The following MTOR variants were observed in gnomAD, a reference collection of about 807,000 sequenced individuals.
MTOR encodes mechanistic target of rapamycin kinase.
A neutral mutation model predicts 319.8 loss-of-function variants in MTOR; 70 were observed. That is an observed-to-expected ratio of 0.22 (90% CI 0.18 to 0.27). MTOR has a LOEUF of 0.27. MTOR is among the 10% of genes least tolerant of loss of function. The pLI, the probability that MTOR is intolerant of heterozygous loss-of-function variation, is 1.00. For synonymous variants in MTOR, 1,183 were observed against 1,211.4 expected (o/e 0.98, Z 0.49); for missense variants, 1,890 against 3,274.4 (o/e 0.58, Z 10.32).
Position 11,218,774 on chromosome 1 carries a change from C to G in MTOR, c.3031-2540G>C, listed in dbSNP as rs549947867. ...TTCCTTAGCCTTTCACATGTGTTCT[C>G]TTTTTGCTCGGAACATGAGTATTTT... On this transcript the variant is annotated intron_variant, in intron 19 of 57. Transcript: ENST00000361445. 7.9e-5 allele frequency among the ~76,000 whole-genome samples: 12 copies of G among 152,270 alleles called. No homozygotes were observed. The South Asian group carries it at 2.3e-3, about 29-fold the overall frequency.
At chr1:11,219,867 T>C (rs1646599932) in intron 19 of MTOR, among the ~76,000 whole-genome samples, 2 of 150,234 alleles carry the variant, frequency 1.3e-5, no homozygotes, top group South Asian at 2.1e-4. Flanking sequence ...CTATTGAAAA[T>C]GCAAAAAACA....
chr1:11,155,741 G>A (rs1020781465), intron 30 of MTOR, among the ~76,000 whole-genome samples: 1 of 152,196 alleles, frequency 6.6e-6, no homozygotes, highest in African/African-American at 2.4e-5. Context: ...CTTTGTTGAT[G>A]GTATCACAAT....
intron 36 of MTOR, among the ~76,000 whole-genome samples, chr1:11,137,851 C>A (rs1363437230): frequency 6.6e-6 from 1 of 152,134 alleles, no homozygotes; most frequent in Non-Finnish European, 1.5e-5. Flanking sequence ...TTGCCTCAGG[C>A]GAGGCAGAGC....
chr1:11,166,939 A>C (rs909232715), intron 29 of MTOR, among the ~76,000 whole-genome samples: 2 of 152,242 alleles, frequency 1.3e-5, no homozygotes, highest in Non-Finnish European at 2.9e-5. Flanking sequence ...GTTCATGTCC[A>C]TTGTAGGGAC....
At chr1:11,195,005 A>G (rs769539979) in intron 28 of MTOR, 42 of 1,613,704 alleles carry the variant, frequency 2.6e-5, no homozygotes, top group Non-Finnish European at 8.5e-7. Context: ...AAATCCGCCC[A>G]GAAGACTTCA....
intron 51 of MTOR, 43 bp from the exon 52 acceptor site, chr1:11,114,930 TC>T: frequency 6.3e-7 from 1 of 1,581,302 alleles, no homozygotes; most frequent in Non-Finnish European, 8.7e-7. Flanking sequence ...ATGTTTATTT[TC>T]TTTACCTGGA....
At chr1:11,131,558 G>C (rs1378204024) in intron 38 of MTOR, 3 of 152,278 alleles carry the variant, frequency 2.0e-5, no homozygotes, top group Non-Finnish European at 4.4e-5. Flanking sequence ...GACAGAGAAA[G>C]AATCTCACCC....
intron 13 of MTOR, 136 bp from the exon 14 acceptor site, chr1:11,234,401 T>C: frequency 1.0e-6 from 1 of 1,004,754 alleles, no homozygotes; most frequent in Middle Eastern, 2.2e-4. Context: ...TGCTAGATAC[T>C]CAATGAGCAA....
rs762199949 is a variant in MTOR at position 11,139,601 on chromosome 1, C to T, written c.4930G>A (p.Val1644Ile). ...GTTCTCATGTCTTCATGAGGGCTGA[C>T]CACAAGGGACCGCACCATAAGGATT... ...QKILMVRSLVVSPHEDMRTWL... is the reference protein window; with the variant it reads ...QKILMVRSLVISPHEDMRTWL... Residue 1644 changes from valine (V) to isoleucine (I), a missense_variant, in exon 35 of 58, where the codon GTC (valine) becomes ATC (isoleucine). Coordinates refer to ENST00000361445, the MANE Select transcript of MTOR (RefSeq NM_004958.4). 1 of 1,614,192 alleles carries T rather than the reference C, an allele frequency of 6.2e-7. No individual in the cohort carries two copies. The highest frequency in any genetic ancestry group is 8.5e-7 in the Non-Finnish European group (1 of 1,180,034).
chr1:11,208,639 GT>G (rs577353070), intron 25 of MTOR, among the ~76,000 whole-genome samples: 103 of 152,364 alleles, frequency 6.8e-4, no homozygotes, highest in African/African-American at 2.4e-3. Context: ...TTTATTTAAA[GT>G]TGGTGAAGTA....
chr1:11,196,697 CAAA>C (rs1645797125), intron 28 of MTOR, among the ~76,000 whole-genome samples: 1 of 151,744 alleles, frequency 6.6e-6, no homozygotes, highest in Admixed American at 6.6e-5. Context: ...ACTAAAAATA[CAAA>C]AATTAGCTGG....
chr1:11,253,251 C>T (rs552161444), intron 6 of MTOR, among the ~76,000 whole-genome samples: 2 of 152,302 alleles, frequency 1.3e-5, no homozygotes, highest in African/African-American at 4.8e-5. Flanking sequence ...AATCCACCTT[C>T]TCAAGCCAAC....
In MTOR at chr1:11,238,022, C is replaced by T. The variant is rs1475681166; in HGVS notation, c.2029G>A (p.Ala677Thr). ...GCATCAAAGCGCTCGTCCAGGGACG[C>T]CAAGACACAGTAGCGAATGTCAGGG... ...PDPDIRYCVLASLDERFDAHL... is the reference protein window; with the variant it reads ...PDPDIRYCVLTSLDERFDAHL... Residue 677 changes from alanine (A) to threonine (T), a missense_variant, in exon 13 of 58, where the codon GCG (alanine) becomes ACG (threonine). Coordinates refer to ENST00000361445, the MANE Select transcript of MTOR (RefSeq NM_004958.4). 1 of 1,614,204 alleles carries T rather than the reference C, an allele frequency of 6.2e-7. No homozygotes were observed. Among genetic ancestry groups the T allele is most frequent in the Non-Finnish European group, 8.5e-7 (1 of 1,180,044 alleles).
intron 11 of MTOR, among the ~76,000 whole-genome samples, chr1:11,238,841 C>T (rs1274723635): frequency 6.6e-6 from 1 of 151,472 alleles, no homozygotes; most frequent in African/African-American, 2.4e-5. Flanking sequence ...CCACTCACTG[C>T]AGGCTCCGCC....
intron 28 of MTOR, among the ~76,000 whole-genome samples, chr1:11,185,643 G>C (rs761443386): frequency 6.6e-6 from 1 of 152,028 alleles, no homozygotes; most frequent in Non-Finnish European, 1.5e-5. Context: ...TCTAAGAGAA[G>C]GCCTGAGAGA....
Position 11,209,571 on chromosome 1 carries a change from G to A in MTOR, c.3655-113C>T, listed in dbSNP as rs928557292. The A allele has an allele frequency of 1.3e-5, 17 of 1,296,838 alleles. No homozygotes were observed. In the African/African-American group the frequency reaches 2.2e-4, roughly 17 times the overall value. 80.3% of individuals were successfully genotyped at this position (1,296,838 alleles called of 1,614,324 possible). ...CCTGGTAGAGCCAGGATTTCAGTAA[G>A]AAGTAAAAAGTTGCACATATGGACA... is the stretch of plus-strand genomic sequence containing the variant. On this transcript the variant is annotated intron_variant, in intron 24 of 57. Coordinates refer to ENST00000361445, the MANE Select transcript of MTOR (RefSeq NM_004958.4).
At chr1:11,246,252 C>G (rs1354954115) in intron 8 of MTOR, among the ~76,000 whole-genome samples, 1 of 152,226 alleles carries the variant, frequency 6.6e-6, no homozygotes, top group Non-Finnish European at 1.5e-5. Flanking sequence ...CCTTTGTATC[C>G]TGCTGCTAGG....
In MTOR at chr1:11,198,076, C is replaced by A. The variant is rs180975125; in HGVS notation, c.4253+1182G>T. On this transcript the variant is annotated intron_variant, in intron 28 of 57. Transcript: ENST00000361445. ...TTCAAATAGGTCTCAAACAGGTGAG[C>A]AAGGAAATTAATATGCAAAATGAGT... Among the ~76,000 whole-genome samples the A allele has an allele frequency of 9.4e-4, 143 of 152,158 alleles. 1 individual carries two copies. The highest frequency in any genetic ancestry group is 1.8e-4 in the Non-Finnish European group (12 of 67,988).
intron 30 of MTOR, among the ~76,000 whole-genome samples, chr1:11,155,373 T>C (rs1219881767): frequency 6.6e-6 from 1 of 151,978 alleles, no homozygotes; most frequent in African/African-American, 2.4e-5. Context: ...CCCTGAAATA[T>C]AGCACACCTT....
Sources: allele counts gnomAD v4.1 joint callset (sites outside exome capture counted in the v4.1 genomes callset), GRCh38; gene constraint gnomAD v4.1.1; transcripts MANE v1.5; gene names NCBI Gene and HGNC (gene_info 2026-07-23, HGNC 2026-07-21).